Variants in NDRG1 observed in about 807,000 individuals in gnomAD.
NDRG1 encodes the protein protein NDRG1.
Under a neutral mutation model 56.9 loss-of-function variants are expected in NDRG1, and 32 were observed. The ratio of observed to expected loss-of-function variants is 0.56; its 90% CI spans 0.42 to 0.76. The LOEUF is 0.76. Among genes scored for constraint, NDRG1 ranks in the 30% least tolerant of loss-of-function variants. The probability of loss-of-function intolerance (pLI) is 0.00; values close to 1 mark genes in which losing one functional copy is unlikely to be tolerated. For missense variants in NDRG1, 507 were observed against 545.7 expected (o/e 0.93, Z 0.71); for synonymous variants, 211 against 204.1 (o/e 1.03, Z -0.29).
Position 133,238,649 on chromosome 8 carries a change from G to A in NDRG1, c.*229C>T. 1.7e-6 allele frequency: 1 copy of A among 595,046 alleles called. No homozygotes were observed. Among genetic ancestry groups the A allele is most frequent in the Non-Finnish European group, 2.9e-6 (1 of 339,096 alleles). The allele number at this position is 595,046 out of a possible 1,614,324, so 36.9% of individuals were successfully genotyped here. A position where few individuals can be genotyped will look rare whatever the true frequency, so the allele number is the denominator to read the frequency against. On this transcript the variant is annotated 3_prime_UTR_variant, in exon 16 of 16. Transcript: ENST00000323851. ...CGGCCACTGGTTAATGGAAGAGGAT[G>A]CGATGCGGAGATGCTTGCTTCCTTC...
intron 5 of NDRG1, among the ~76,000 whole-genome samples, chr8:133,260,916 T>A (rs1856627314): frequency 6.6e-6 from 1 of 152,122 alleles, no homozygotes. Context: ...CACATGATGC[T>A]GATTGGGGGA....
At position 133,239,589 on chromosome 8, in the gene NDRG1, G is replaced by A. The variant is rs1221567269; in HGVS notation, c.944-470C>T. The A allele has an allele frequency of 2.6e-5, 5 of 194,810 alleles. No individual in the cohort carries two copies. In the East Asian group the frequency reaches 3.7e-4, roughly 14 times the overall value. The allele number at this position is 194,810 out of a possible 1,614,324, so 12.1% of individuals were successfully genotyped here. A position where few individuals can be genotyped will look rare whatever the true frequency, so the allele number is the denominator to read the frequency against. On this transcript the variant is annotated intron_variant, in intron 15 of 15. Transcript: ENST00000323851. ...GTGGGGAAAGGGAGAGGGGCCACAC[G>A]GCAAGTTCCCGGCATGGCTATTCGT...
In NDRG1 at chr8:133,248,752, C is replaced by G; in HGVS notation, c.718G>C (p.Glu240Gln). ...AYNSRRDLEI[E>Q]RPMPGTHTVT... ...GTGTGGGTTCCCGGCATTGGTCGCTCAATCTCCAGGTCGCGCCGGCTGCAG... is the reference window on the plus strand; with the variant it reads ...GTGTGGGTTCCCGGCATTGGTCGCTGAATCTCCAGGTCGCGCCGGCTGCAG... The change falls in exon 11 of 16, where the codon GAG becomes CAG. Residue 240 changes from glutamate to glutamine, a missense_variant. By Grantham distance (29) the Glu-to-Gln change is conservative. Transcript: ENST00000323851. 1 of 1,614,220 alleles carries G rather than the reference C, an allele frequency of 6.2e-7. No individual in the cohort carries two copies. The highest frequency in any genetic ancestry group is 8.5e-7 in the Non-Finnish European group (1 of 1,180,044).
At chr8:133,243,568 T>G (rs939189857) in intron 14 of NDRG1, among the ~76,000 whole-genome samples, 2 of 151,956 alleles carry the variant, frequency 1.3e-5, no homozygotes, top group African/African-American at 4.8e-5. Flanking sequence ...TGCTCCCCCC[T>G]GTGCTGGTGT....
intron 11 of NDRG1, 69 bp from the exon 12 acceptor site, chr8:133,247,995 C>G: frequency 6.7e-7 from 1 of 1,496,312 alleles, no homozygotes; most frequent in Non-Finnish European, 9.3e-7. Context: ...CCCAGGCCTG[C>G]CAGGCTGGGG....
intron 1 of NDRG1, among the ~76,000 whole-genome samples, chr8:133,290,341 C>T (rs1371808985): frequency 6.6e-6 from 1 of 152,128 alleles, no homozygotes; most frequent in Non-Finnish European, 1.5e-5. Flanking sequence ...AAAACAGCAC[C>T]AGGAACAGTA....
At position 133,259,168 on chromosome 8, in the gene NDRG1, C is replaced by T. The variant is rs759258704; in HGVS notation, c.389G>A (p.Gly130Glu). ...EMLPGVLQQF[G>E]LKSIIGMGTG... The stretch of plus-strand genomic sequence containing the variant: ...GAAGGAGCTGATCCTTCGCTCTTAC[C>T]CAAACTGTTGAAGGACTCCAGGAAG... The change falls in exon 6 of 16, where the codon GGG (glycine) becomes GAG (glutamate). Residue 130 changes from glycine to glutamate, a missense_variant and splice_region_variant. Physicochemically the swap from Gly to Glu is moderately conservative, Grantham distance 98 (BLOSUM62 -2). Coordinates refer to ENST00000323851, the MANE Select transcript of NDRG1 (RefSeq NM_006096.4). 6.2e-7 allele frequency: 1 copy of T among 1,614,056 alleles called. No individual in the cohort carries two copies. Among genetic ancestry groups the T allele is most frequent in the Non-Finnish European group, 8.5e-7 (1 of 1,179,904 alleles).
rs184760289 is a variant in NDRG1 at position 133,253,396 on chromosome 8, C to G, written c.594+1143G>C. Among the ~76,000 whole-genome samples, 5 of 152,316 alleles carry G rather than the reference C, an allele frequency of 3.3e-5. No individual in the cohort carries two copies. The East Asian group carries it at 9.7e-4, about 29-fold the overall frequency. On this transcript the variant is annotated intron_variant, in intron 9 of 15. Transcript: ENST00000323851. Reference sequence around the variant, plus strand: ...GGCCCCACCTCTCCCTGGTTGAGACCCTATGCAAGTCACTCAACCTCTCTG... The same window carrying G: ...GGCCCCACCTCTCCCTGGTTGAGACGCTATGCAAGTCACTCAACCTCTCTG...
At chr8:133,281,602 C>A (rs1857807614) in intron 2 of NDRG1, among the ~76,000 whole-genome samples, 1 of 152,104 alleles carries the variant, frequency 6.6e-6, no homozygotes, top group Non-Finnish European at 1.5e-5. Context: ...CCAGCCTCAC[C>A]CACCACAAAC....
intron 3 of NDRG1, among the ~76,000 whole-genome samples, chr8:133,272,052 C>A (rs1400575613): frequency 6.6e-6 from 1 of 152,200 alleles, no homozygotes; most frequent in Non-Finnish European, 1.5e-5. Flanking sequence ...GACTCCCCTG[C>A]AAGCCTCACA....
rs548758300 is a variant in NDRG1, at chr8:133,250,604, C to T, written c.595-61G>A. 11 of 1,319,502 alleles carry T rather than the reference C, an allele frequency of 8.3e-6. No homozygotes were observed. The South Asian group carries it at 1.2e-4, about 14-fold the overall frequency. 81.7% of individuals were successfully genotyped at this position (1,319,502 alleles called of 1,614,324 possible). ...CACTGTGGCCCTGAGCTGGTCACTA[C>T]TCTCTCCATTCTCCAGGTTATTTGG... is the stretch of plus-strand genomic sequence containing the variant. On this transcript the variant is annotated intron_variant, in intron 9 of 15. Transcript: ENST00000323851.
intron 4 of NDRG1, among the ~76,000 whole-genome samples, chr8:133,262,555 C>A (rs1856712093): frequency 6.6e-6 from 1 of 152,118 alleles, no homozygotes; most frequent in African/African-American, 2.4e-5. Context: ...ATCTGGGGTA[C>A]TGGTCCAGGA....
At chr8:133,239,247 C>A (rs914480603) in intron 15 of NDRG1, 128 bp from the exon 16 acceptor site, 1 of 1,426,154 alleles carries the variant, frequency 7.0e-7, no homozygotes, top group East Asian at 2.5e-5. Flanking sequence ...CTGCAGCCAT[C>A]CAGCTGCTGG....
At chr8:133,281,819 G>A (rs986206559) in intron 2 of NDRG1, among the ~76,000 whole-genome samples, 1 of 152,152 alleles carries the variant, frequency 6.6e-6, no homozygotes, top group Non-Finnish European at 1.5e-5. Flanking sequence ...GGAAACAAAC[G>A]TGGCTGGCAC....
At chr8:133,282,665 C>T (rs1334608131) in intron 2 of NDRG1, among the ~76,000 whole-genome samples, 1 of 152,156 alleles carries the variant, frequency 6.6e-6, no homozygotes, top group Non-Finnish European at 1.5e-5. Flanking sequence ...CTGCAATCCG[C>T]CTCACCACAT....
intron 3 of NDRG1, among the ~76,000 whole-genome samples, chr8:133,267,532 T>C (rs2977499): frequency 0.26 from 39,247 of 152,084 alleles, 5,548 homozygotes; most frequent in East Asian, 0.42. Context: ...TAACAGGCAC[T>C]GGAAAAATCC....
At chr8:133,285,044 G>A (rs1858030952) in intron 1 of NDRG1, 1 of 354,694 alleles carries the variant, frequency 2.8e-6, no homozygotes, top group Admixed American at 3.7e-5. Context: ...GGGGTTACCT[G>A]TGCTCTAACA....
chr8:133,283,061 T>A (rs1182008607), intron 2 of NDRG1, among the ~76,000 whole-genome samples: 1 of 152,104 alleles, frequency 6.6e-6, no homozygotes, highest in Non-Finnish European at 1.5e-5. Context: ...ACATGTAGAG[T>A]CATAAGGAAA....
intron 1 of NDRG1, 103 bp from the exon 2 acceptor site, chr8:133,284,432 C>T: frequency 9.9e-7 from 1 of 1,008,942 alleles, no homozygotes. Context: ...CTGCGCTCTG[C>T]CCAGCAGCTT....
Sources: gnomAD v4.1 joint callset for allele counts (sites outside exome capture counted in the v4.1 genomes callset) on GRCh38, gnomAD v4.1.1 for gene constraint, MANE v1.5 for transcripts, NCBI Gene and HGNC (gene_info 2026-07-23, HGNC 2026-07-21) for gene names.